The following CAPZB variants were observed in gnomAD, a reference collection of about 807,000 sequenced individuals.
CAPZB encodes the protein F-actin-capping protein subunit beta.
Under a neutral mutation model 38.1 loss-of-function variants are expected in CAPZB, and 2 were observed. The ratio of observed to expected loss-of-function variants is 0.05; its 90% CI spans 0.02 to 0.17. CAPZB has a LOEUF of 0.17. Ranked by LOEUF, CAPZB falls within the 10% of genes least tolerant of loss-of-function variation. CAPZB has a pLI of 1.00. For synonymous variants in CAPZB, 107 were observed against 127.4 expected, an observed-to-expected ratio of 0.84 and a Z score of 1.08; for missense variants, 161 against 334.2, an observed-to-expected ratio of 0.48 and a Z score of 4.04.
intron 2 of CAPZB, among the ~76,000 whole-genome samples, chr1:19,394,082 C>T (rs1378785041): frequency 1.3e-5 from 2 of 152,238 alleles, no homozygotes; most frequent in African/African-American, 4.8e-5. Flanking sequence ...CTCACTGCAA[C>T]CTCTGCCTCC....
intron 1 of CAPZB, among the ~76,000 whole-genome samples, chr1:19,461,096 C>CGGGGGG (rs67195695): frequency 1.4e-4 from 16 of 113,116 alleles, no homozygotes; most frequent in African/African-American, 5.7e-4. Context: ...TGGGCGGGGG[C>CGGGGGG]GGGGGGGGGA....
intron 8 of CAPZB, among the ~76,000 whole-genome samples, chr1:19,340,294 G>A (rs2100214097): frequency 6.6e-6 from 1 of 152,270 alleles, no homozygotes; most frequent in Non-Finnish European, 1.5e-5. Flanking sequence ...TGTTAACTTG[G>A]CCCAGAAAAC....
chr1:19,455,313 T>C (rs1227493351), intron 1 of CAPZB, among the ~76,000 whole-genome samples: 1 of 152,264 alleles, frequency 6.6e-6, no homozygotes, highest in African/African-American at 2.4e-5. Flanking sequence ...ACAGGGCTCC[T>C]GGGATCCCAT....
At chr1:19,442,590 A>G (rs1020102761) in intron 1 of CAPZB, among the ~76,000 whole-genome samples, 2 of 149,886 alleles carry the variant, frequency 1.3e-5, no homozygotes, top group Non-Finnish European at 3.0e-5. Context: ...TTTACTGGAC[A>G]TTAGGCAGTT....
intron 1 of CAPZB, among the ~76,000 whole-genome samples, chr1:19,446,879 C>G (rs1332791940): frequency 6.6e-6 from 1 of 152,140 alleles, no homozygotes; most frequent in African/African-American, 2.4e-5. Flanking sequence ...TTAGTGAACT[C>G]CAAGTTTTTT....
chr1:19,461,268 C>A (rs2094551071), intron 1 of CAPZB, among the ~76,000 whole-genome samples: 1 of 152,206 alleles, frequency 6.6e-6, no homozygotes, highest in Non-Finnish European at 1.5e-5. Flanking sequence ...CAGGTCCAAA[C>A]TGGCAAGCCT....
intron 4 of CAPZB, among the ~76,000 whole-genome samples, chr1:19,358,037 T>C (rs923765355): frequency 6.6e-6 from 1 of 152,224 alleles, no homozygotes; most frequent in South Asian, 2.1e-4. Context: ...AGGGCTCCAG[T>C]TGGTCTTTCG....
intron 8 of CAPZB, among the ~76,000 whole-genome samples, chr1:19,341,734 C>G (rs2093930178): frequency 6.6e-6 from 1 of 152,256 alleles, no homozygotes; most frequent in South Asian, 2.1e-4. Context: ...GATGGAAATG[C>G]CTGATGGCCA....
intron 2 of CAPZB, among the ~76,000 whole-genome samples, chr1:19,409,258 G>A (rs528433539): frequency 1.3e-5 from 2 of 152,052 alleles, no homozygotes. Flanking sequence ...CCAGTCAATC[G>A]CTGCCCTTTA....
At chr1:19,466,776 A>T (rs2094570421) in intron 1 of CAPZB, among the ~76,000 whole-genome samples, 1 of 152,216 alleles carries the variant, frequency 6.6e-6, no homozygotes, top group Non-Finnish European at 1.5e-5. Flanking sequence ...CATATGGATG[A>T]ATGCAGTTTA....
At chr1:19,367,829 AG>A (rs1366026454) in intron 4 of CAPZB, among the ~76,000 whole-genome samples, 1 of 152,212 alleles carries the variant, frequency 6.6e-6, no homozygotes, top group Admixed American at 6.5e-5. Context: ...GAAATAATGA[AG>A]GCCTCTCTGG....
At chr1:19,420,118 C>A (rs1266972727) in intron 1 of CAPZB, 3 of 179,760 alleles carry the variant, frequency 1.7e-5, no homozygotes, top group Non-Finnish European at 3.5e-5. Flanking sequence ...TAGCGGATTA[C>A]TTTTGCCCTT....
At chr1:19,344,897 G>C (rs1162869063) in intron 7 of CAPZB, among the ~76,000 whole-genome samples, 1 of 152,252 alleles carries the variant, frequency 6.6e-6, no homozygotes, top group Non-Finnish European at 1.5e-5. Flanking sequence ...TTCACACCCA[G>C]GCGATCAGGG....
At chr1:19,342,677 CG>C in intron 8 of CAPZB, 1 of 917,246 alleles carries the variant, frequency 1.1e-6, no homozygotes, top group Admixed American at 1.8e-5. Flanking sequence ...GAGCAGCAGC[CG>C]GACCGGCAGG....
chr1:19,444,935 A>G (rs4912000), intron 1 of CAPZB, among the ~76,000 whole-genome samples: 67,046 of 151,682 alleles, frequency 0.44, 15,269 homozygotes, highest in African/African-American at 0.54. Flanking sequence ...TAGAGACGGG[A>G]TCTCACCACG....
chr1:19,484,329 AC>A (rs757679079), intron 1 of CAPZB: 2 of 1,584,774 alleles, frequency 1.3e-6, no homozygotes, highest in African/African-American at 2.7e-5. Context: ...CCCCAAGGCC[AC>A]GGCCTCACAA....
chr1:19,345,945 C>A (rs2093958244), intron 6 of CAPZB, among the ~76,000 whole-genome samples: 1 of 152,210 alleles, frequency 6.6e-6, no homozygotes, highest in Admixed American at 6.5e-5. Flanking sequence ...AGCACTCAAG[C>A]CCCATCTCCT....
chr1:19,359,095 T>A (rs2094038001), intron 4 of CAPZB, among the ~76,000 whole-genome samples: 1 of 151,994 alleles, frequency 6.6e-6, no homozygotes, highest in Admixed American at 6.6e-5. Flanking sequence ...TAATGTAAAA[T>A]TAAGTACTAG....
At chr1:19,441,421 G>A (rs553370887) in intron 1 of CAPZB, among the ~76,000 whole-genome samples, 26 of 152,294 alleles carry the variant, frequency 1.7e-4, no homozygotes, top group African/African-American at 6.0e-4. Flanking sequence ...AGGGAAAGAG[G>A]AGTTTTAAAG....
Sources: gnomAD v4.1 joint callset for allele counts (sites outside exome capture counted in the v4.1 genomes callset) on GRCh38, gnomAD v4.1.1 for gene constraint, MANE v1.5 for transcripts, NCBI Gene and HGNC (gene_info 2026-07-23, HGNC 2026-07-21) for gene names.